Variants in MED12L observed in about 807,000 individuals in gnomAD.
MED12L encodes mediator of RNA polymerase II transcription subunit 12-like protein.
A neutral mutation model predicts 281.3 loss-of-function variants in MED12L; 60 were observed. The ratio of observed to expected loss-of-function variants is 0.21; its 90% CI spans 0.17 to 0.26. The LOEUF (loss-of-function observed/expected upper bound fraction) is 0.26. Among genes scored for constraint, MED12L ranks in the 10% least tolerant of loss-of-function variants. The probability of loss-of-function intolerance (pLI) is 1.00; values close to 1 mark genes in which losing one functional copy is unlikely to be tolerated. For missense variants in MED12L, 2,146 were observed against 2,680.9 expected, an observed-to-expected ratio of 0.80 and a Z score of 4.41; for synonymous variants, 974 against 987.2, an observed-to-expected ratio of 0.99 and a Z score of 0.25.
At chr3:151,391,501 ATCTT>A (rs1170210840) in intron 38 of MED12L, among the ~76,000 whole-genome samples, 1 of 151,942 alleles carries the variant, frequency 6.6e-6, no homozygotes, top group Admixed American at 6.6e-5. Flanking sequence ...AGCACATCCA[ATCTT>A]TTGGCTTCCT....
chr3:151,188,332 GTTAT>G lies in MED12L; in HGVS notation c.1627-15_1627-12del, dbSNP rs751250729. 2 of 1,572,530 alleles carry G rather than the reference GTTAT, an allele frequency of 1.3e-6. No individual in the cohort carries two copies. Among genetic ancestry groups the G allele is most frequent in the Admixed American group, 3.5e-5 (2 of 57,828 alleles). On this transcript the variant is annotated intron_variant, in intron 12 of 44. Coordinates refer to ENST00000687756, the MANE Select transcript of MED12L (RefSeq NM_001393769.1). ...TGACTATACTTCTGTAATTAACTTTGTTATTTATTTTTAATCTGTAGAGATGTGG... is the reference window on the plus strand; with the variant it reads ...TGACTATACTTCTGTAATTAACTTTGTTATTTTTAATCTGTAGAGATGTGG...
intron 17 of MED12L, among the ~76,000 whole-genome samples, chr3:151,352,754 G>T (rs1287090690): frequency 6.6e-6 from 1 of 152,054 alleles, no homozygotes; most frequent in Non-Finnish European, 1.5e-5. Context: ...CATTTGCCTT[G>T]ACCAGTTATC....
At chr3:151,416,480 A>G (rs1717571617) in intron 43 of MED12L, 58 bp downstream of exon 43, 19 of 1,566,902 alleles carry the variant, frequency 1.2e-5, no homozygotes, top group East Asian at 2.2e-5. Context: ...AGCAGGTTGC[A>G]TTGTTCATGT....
At chr3:151,232,880 A>G (rs1381142036) in intron 16 of MED12L, among the ~76,000 whole-genome samples, 2 of 152,220 alleles carry the variant, frequency 1.3e-5, no homozygotes, top group African/African-American at 4.8e-5. Context: ...TCCCTGTGGC[A>G]TGAGTTTACC....
At chr3:151,138,802 A>G (rs1716510582) in intron 5 of MED12L, among the ~76,000 whole-genome samples, 1 of 152,188 alleles carries the variant, frequency 6.6e-6, no homozygotes, top group Non-Finnish European at 1.5e-5. Flanking sequence ...CTGAGGTAGC[A>G]CTTACCAGGT....
intron 20 of MED12L, among the ~76,000 whole-genome samples, chr3:151,357,787 T>A (rs1754110557): frequency 6.6e-6 from 1 of 152,234 alleles, no homozygotes; most frequent in Non-Finnish European, 1.5e-5. Flanking sequence ...GAAATTTGGT[T>A]CTTCAATTGC....
intron 16 of MED12L, among the ~76,000 whole-genome samples, chr3:151,219,147 A>G (rs756151371): frequency 1.3e-5 from 2 of 152,206 alleles, no homozygotes; most frequent in African/African-American, 2.4e-5. Context: ...CAAAGATTCA[A>G]TCTGATTTAG....
chr3:151,245,940 A>G (rs1296762227), intron 16 of MED12L, among the ~76,000 whole-genome samples: 16 of 151,616 alleles, frequency 1.1e-4, no homozygotes, highest in Admixed American at 1.1e-3. Flanking sequence ...TACAAAATCA[A>G]TGTACAAAAA....
At chr3:151,291,889 G>A (rs6763983) in intron 16 of MED12L, among the ~76,000 whole-genome samples, 133,095 of 152,274 alleles carry the variant, frequency 0.87, 58,369 homozygotes, top group African/African-American at 0.95. Flanking sequence ...GATGTTCTCT[G>A]TGTTTTTAGC....
chr3:151,371,579 CTT>C (rs1756194416), intron 26 of MED12L, among the ~76,000 whole-genome samples: 1 of 152,092 alleles, frequency 6.6e-6, no homozygotes, highest in Admixed American at 6.5e-5. Flanking sequence ...AAAGTCAAAA[CTT>C]TTTCTTGGTT....
At chr3:151,279,702 G>A (rs1742497982) in intron 16 of MED12L, among the ~76,000 whole-genome samples, 1 of 152,218 alleles carries the variant, frequency 6.6e-6, no homozygotes, top group African/African-American at 2.4e-5. Context: ...TTAAGGACAA[G>A]TGGATGTGAG....
chr3:151,296,983 C>A (rs1162591900), intron 16 of MED12L, among the ~76,000 whole-genome samples: 1 of 152,066 alleles, frequency 6.6e-6, no homozygotes, highest in East Asian at 1.9e-4. Flanking sequence ...AAACAGATTC[C>A]TAAATTGCTG....
intron 5 of MED12L, among the ~76,000 whole-genome samples, chr3:151,136,195 T>A (rs1716113494): frequency 6.6e-6 from 1 of 152,238 alleles, no homozygotes; most frequent in South Asian, 2.1e-4. Context: ...GTAATTAATT[T>A]GTGACATATT....
intron 16 of MED12L, among the ~76,000 whole-genome samples, chr3:151,226,713 C>T (rs1434871105): frequency 6.6e-6 from 1 of 151,962 alleles, no homozygotes. Context: ...GAGGTGGATG[C>T]CTTCAGTTTC....
chr3:151,280,904 T>A (rs1238271865), intron 16 of MED12L, among the ~76,000 whole-genome samples: 1 of 151,972 alleles, frequency 6.6e-6, no homozygotes, highest in African/African-American at 2.4e-5. Context: ...ATTTAACAGT[T>A]GTCTAAGCTA....
At chr3:151,260,048 A>G (rs1009243752) in intron 16 of MED12L, among the ~76,000 whole-genome samples, 2 of 152,090 alleles carry the variant, frequency 1.3e-5, no homozygotes, top group African/African-American at 4.8e-5. Context: ...GTTTTTGTCA[A>G]CCACAGCATT....
Position 151,394,775 on chromosome 3 carries a change from A to G in MED12L, c.5728A>G (p.Thr1910Ala). The G allele has an allele frequency of 1.2e-6, 2 of 1,614,238 alleles. No individual in the cohort carries two copies. Among genetic ancestry groups the G allele is most frequent in the South Asian group, 2.2e-5 (2 of 91,090 alleles). The change falls in exon 39 of 45, where the codon ACA (threonine) becomes GCA (alanine). Residue 1910 changes from threonine (T) to alanine (A), a missense_variant. Coordinates refer to ENST00000687756, the MANE Select transcript of MED12L (RefSeq NM_001393769.1). ...GCAGCCGCCTTCTCTTCATGCAATC[A>G]CATCGCAGCAGCAGTTGATACAGAT... ...MMQPPSLHAITSQQQLIQMKL... is the reference protein window; with the variant it reads ...MMQPPSLHAIASQQQLIQMKL...
intron 43 of MED12L, chr3:151,425,772 A>G (rs992639701): frequency 4.4e-6 from 2 of 456,536 alleles, no homozygotes; most frequent in Non-Finnish European, 8.8e-6. Context: ...ATGTTAAACC[A>G]TATGTTTGCT....
intron 16 of MED12L, among the ~76,000 whole-genome samples, chr3:151,317,485 C>A: frequency 9.7e-6 from 1 of 102,856 alleles, no homozygotes; most frequent in East Asian, 3.4e-4. Flanking sequence ...GAGTCTCACA[C>A]TGTTGCCCGG....
Sources: allele counts gnomAD v4.1 joint callset (sites outside exome capture counted in the v4.1 genomes callset), GRCh38; gene constraint gnomAD v4.1.1; transcripts MANE v1.5; gene names NCBI Gene and HGNC (gene_info 2026-07-23, HGNC 2026-07-21).